SPIN1: variants seen among roughly 807,000 people sequenced by gnomAD.
The protein encoded by SPIN1 is spindlin-1.
SPIN1 carries 3 observed loss-of-function variants against 26.0 expected under a neutral mutation model. The observed-to-expected ratio is 0.12, with a 90% confidence interval of 0.05 to 0.30. The LOEUF (loss-of-function observed/expected upper bound fraction) is 0.30, where lower values mean the gene tolerates loss of function less well. Ranked by LOEUF, SPIN1 falls within the 10% of genes least tolerant of loss-of-function variation. The probability of loss-of-function intolerance (pLI) is 1.00; values close to 1 mark genes in which losing one functional copy is unlikely to be tolerated. For missense variants in SPIN1, 126 were observed against 333.4 expected (o/e 0.38, Z 4.84); for synonymous variants, 101 against 116.5 (o/e 0.87, Z 0.86).
rs201547452 is a variant in SPIN1, at chr9:88,399,978, C to A, written c.-159+11440C>A. On this transcript the variant is annotated intron_variant, in intron 1 of 5. Coordinates refer to ENST00000375859, the MANE Select transcript of SPIN1 (RefSeq NM_006717.3). ...GAAAATTGGATTGGAGGCATATGGT[C>A]AGATTCTGTTTAAGCTGGAGTCCTT... Among the ~76,000 whole-genome samples, 6 of 152,170 alleles carry A rather than the reference C, an allele frequency of 3.9e-5. No homozygotes were observed. The East Asian group carries it at 1.2e-3, about 29-fold the overall frequency.
chr9:88,417,900 C>G (rs1447580597), intron 1 of SPIN1, among the ~76,000 whole-genome samples: 1 of 152,174 alleles, frequency 6.6e-6, no homozygotes, highest in African/African-American at 2.4e-5. Flanking sequence ...AGTGTATTTG[C>G]TAGATTACCA....
chr9:88,433,723 CA>C (rs1827933222), intron 2 of SPIN1, among the ~76,000 whole-genome samples: 1 of 152,154 alleles, frequency 6.6e-6, no homozygotes, highest in Non-Finnish European at 1.5e-5. Flanking sequence ...CATCCCCAGA[CA>C]AGACTGTCTG....
chr9:88,470,166 A>G (rs1404983165), intron 5 of SPIN1, among the ~76,000 whole-genome samples: 2 of 152,208 alleles, frequency 1.3e-5, no homozygotes, highest in East Asian at 1.9e-4. Context: ...TAATGGCCAA[A>G]TACGATTCCA....
At chr9:88,396,080 C>T (rs1827049582) in intron 1 of SPIN1, among the ~76,000 whole-genome samples, 1 of 150,768 alleles carries the variant, frequency 6.6e-6, no homozygotes, top group Admixed American at 6.6e-5. Flanking sequence ...AAAAACCCGT[C>T]TCTACTAAGA....
At chr9:88,466,811 C>T (rs1028069825) in intron 4 of SPIN1, among the ~76,000 whole-genome samples, 7 of 152,168 alleles carry the variant, frequency 4.6e-5, no homozygotes, top group Non-Finnish European at 1.0e-4. Context: ...CATCTTGTCT[C>T]ACTGCAGCCT....
At chr9:88,399,053 A>G (rs1827129874) in intron 1 of SPIN1, among the ~76,000 whole-genome samples, 1 of 144,478 alleles carries the variant, frequency 6.9e-6, no homozygotes, top group African/African-American at 2.6e-5. Flanking sequence ...TTTTTTTGAG[A>G]TGGAGTCTTG....
Position 88,475,234 on chromosome 9 carries a change from A to G in SPIN1, c.746A>G (p.Asp249Gly). ...KPSVYFIKFD[D>G]DFHIYVYDLV... Reference sequence around the variant, plus strand: ...TCCGTCTATTTCATCAAGTTTGATGATGATTTCCATATTTATGTCTACGAT... The same window carrying G: ...TCCGTCTATTTCATCAAGTTTGATGGTGATTTCCATATTTATGTCTACGAT... The change falls in exon 6 of 6, where the codon GAT becomes GGT. Residue 249 changes from aspartate (D) to glycine (G), a missense_variant. Transcript: ENST00000375859. The G allele has an allele frequency of 6.2e-7, 1 of 1,614,000 alleles. No homozygotes were observed. The highest frequency in any genetic ancestry group is 8.5e-7 in the Non-Finnish European group (1 of 1,179,982).
At chr9:88,404,422 C>G (rs899147646) in intron 1 of SPIN1, among the ~76,000 whole-genome samples, 8 of 152,126 alleles carry the variant, frequency 5.3e-5, no homozygotes, top group Non-Finnish European at 1.0e-4. Context: ...TTTTTTCTTG[C>G]ATCTGTATTA....
At chr9:88,453,482 A>G (rs1216855220) in intron 3 of SPIN1, among the ~76,000 whole-genome samples, 1 of 151,878 alleles carries the variant, frequency 6.6e-6, no homozygotes, top group Non-Finnish European at 1.5e-5. Flanking sequence ...CAGAGGATTC[A>G]CATGCATGCT....
intron 3 of SPIN1, among the ~76,000 whole-genome samples, chr9:88,451,531 T>C (rs1828353043): frequency 1.3e-5 from 2 of 152,260 alleles, no homozygotes; most frequent in South Asian, 4.1e-4. Context: ...GGGACAAACA[T>C]TTGCATTAAA....
chr9:88,410,001 C>G (rs1241439362), intron 1 of SPIN1, among the ~76,000 whole-genome samples: 1 of 152,110 alleles, frequency 6.6e-6, no homozygotes, highest in Non-Finnish European at 1.5e-5. Context: ...GTTCTTTTCT[C>G]CTAATCTTAC....
At chr9:88,402,674 G>T (rs182993168) in intron 1 of SPIN1, among the ~76,000 whole-genome samples, 1 of 152,064 alleles carries the variant, frequency 6.6e-6, no homozygotes, top group African/African-American at 2.4e-5. Context: ...ATTCCATTGT[G>T]TATACATGCC....
At chr9:88,397,379 C>T (rs562723474) in intron 1 of SPIN1, among the ~76,000 whole-genome samples, 3 of 151,994 alleles carry the variant, frequency 2.0e-5, no homozygotes, top group Non-Finnish European at 1.5e-5. Flanking sequence ...TTCCTTTGCT[C>T]CAGTTGTGTG....
chr9:88,429,565 G>A (rs1254877324), intron 2 of SPIN1, among the ~76,000 whole-genome samples: 2 of 152,154 alleles, frequency 1.3e-5, no homozygotes, highest in East Asian at 1.9e-4. Context: ...ACAGCCAGAT[G>A]GAAGAAGGAG....
intron 4 of SPIN1, among the ~76,000 whole-genome samples, chr9:88,468,096 A>G (rs1348095081): frequency 1.3e-5 from 2 of 152,228 alleles, no homozygotes; most frequent in African/African-American, 2.4e-5. Context: ...GTACAGAACC[A>G]AGAGCAGATG....
chr9:88,419,577 T>G (rs1253379493), intron 1 of SPIN1, among the ~76,000 whole-genome samples: 2 of 152,242 alleles, frequency 1.3e-5, no homozygotes, highest in African/African-American at 2.4e-5. Flanking sequence ...ATAACAATAC[T>G]TAACTATATT....
chr9:88,466,884 C>G (rs1480735695), intron 4 of SPIN1, among the ~76,000 whole-genome samples: 1 of 152,080 alleles, frequency 6.6e-6, no homozygotes, highest in East Asian at 1.9e-4. Context: ...TACAGGCCTG[C>G]ACTGCCACAC....
intron 3 of SPIN1, among the ~76,000 whole-genome samples, chr9:88,452,240 T>C (rs1221638893): frequency 2.0e-5 from 3 of 152,186 alleles, no homozygotes; most frequent in Non-Finnish European, 4.4e-5. Context: ...TTACTGCAGA[T>C]GAGGAAACTG....
intron 2 of SPIN1, among the ~76,000 whole-genome samples, chr9:88,439,012 A>G (rs537735458): frequency 6.6e-6 from 1 of 152,170 alleles, no homozygotes; most frequent in Admixed American, 6.5e-5. Flanking sequence ...ATGCTTGCTC[A>G]TTCCTAAGGA....
Sources: allele counts gnomAD v4.1 joint callset (sites outside exome capture counted in the v4.1 genomes callset), GRCh38; gene constraint gnomAD v4.1.1; transcripts MANE v1.5; gene names NCBI Gene and HGNC (gene_info 2026-07-23, HGNC 2026-07-21).